ATF7IP2: variants seen among roughly 807,000 people sequenced by gnomAD.
ATF7IP2 encodes the protein activating transcription factor 7-interacting protein 2.
ATF7IP2 carries 42 observed loss-of-function variants against 64.2 expected under a neutral mutation model. The ratio of observed to expected loss-of-function variants is 0.65; its 90% CI spans 0.51 to 0.85. The LOEUF is 0.85. Among genes scored for constraint, ATF7IP2 ranks in the 40% least tolerant of loss-of-function variants. ATF7IP2 has a pLI of 0.00. For missense variants in ATF7IP2, 933 were observed against 784.2 expected (o/e 1.19, Z -2.27); for synonymous variants, 308 against 272.8 (o/e 1.13, Z -1.27).
intron 8 of ATF7IP2, among the ~76,000 whole-genome samples, chr16:10,453,603 G>A (rs1270711493): frequency 6.6e-6 from 1 of 152,124 alleles, no homozygotes; most frequent in Non-Finnish European, 1.5e-5. Context: ...TGAAAACTGA[G>A]CAAGGAGCTT....
At chr16:10,396,680 A>G (rs1596425844) in intron 1 of ATF7IP2, among the ~76,000 whole-genome samples, 1 of 151,766 alleles carries the variant, frequency 6.6e-6, no homozygotes, top group East Asian at 1.9e-4. Flanking sequence ...TAATTGAGAC[A>G]GTGTCTCACT....
intron 8 of ATF7IP2, among the ~76,000 whole-genome samples, chr16:10,451,003 A>G (rs2048966851): frequency 6.6e-6 from 1 of 152,194 alleles, no homozygotes; most frequent in Middle Eastern, 3.2e-3. Context: ...CTTGTAAGGC[A>G]GGCCTGGTGG....
chr16:10,476,501 T>TGA (rs921103266), intron 12 of ATF7IP2, among the ~76,000 whole-genome samples: 2 of 152,132 alleles, frequency 1.3e-5, no homozygotes, highest in African/African-American at 4.8e-5. Context: ...TGTGTGTGTT[T>TGA]TTTTTTAAAC....
Position 10,452,575 on chromosome 16 carries a change from C to T in ATF7IP2, c.1195-4797C>T, listed in dbSNP as rs185108731. ...GGAGGTGTCTCCCAGTCAGGATACACGGGGGTCAGGGACCCACTTGAGGAG... is the reference window on the plus strand; with the variant it reads ...GGAGGTGTCTCCCAGTCAGGATACATGGGGGTCAGGGACCCACTTGAGGAG... On this transcript the variant is annotated intron_variant, in intron 8 of 13. Coordinates refer to ENST00000562102, the MANE Select transcript of ATF7IP2 (RefSeq NM_001393719.1). Among the ~76,000 whole-genome samples, 577 of 152,296 alleles carry T rather than the reference C, an allele frequency of 3.8e-3. 3 individuals carry two copies. The highest frequency in any genetic ancestry group is 0.012 in the African/African-American group (500 of 41,544).
At chr16:10,467,800 G>T (rs111556411) in intron 9 of ATF7IP2, among the ~76,000 whole-genome samples, 2 of 149,642 alleles carry the variant, frequency 1.3e-5, no homozygotes, top group African/African-American at 4.9e-5. Context: ...TGATCCACCC[G>T]CCTCGGCCCC....
intron 1 of ATF7IP2, among the ~76,000 whole-genome samples, chr16:10,406,124 C>CA (rs1567430589): frequency 2.0e-5 from 3 of 151,528 alleles, no homozygotes; most frequent in Non-Finnish European, 4.4e-5. Flanking sequence ...TAATTTTTTT[C>CA]ATAGAATATT....
rs547571547 is a variant in ATF7IP2 at position 10,429,978 on chromosome 16, G to A, written c.-10-633G>A. ...AGTGATTCTTGTGCTTCAGCCTGCCGAGTAGCTTGGGATTACAGGTGCATG... is the reference window on the plus strand; with the variant it reads ...AGTGATTCTTGTGCTTCAGCCTGCCAAGTAGCTTGGGATTACAGGTGCATG... On this transcript the variant is annotated intron_variant, in intron 4 of 13. Coordinates refer to ENST00000562102, the MANE Select transcript of ATF7IP2 (RefSeq NM_001393719.1). 1.9e-3 allele frequency among the ~76,000 whole-genome samples: 290 copies of A among 151,548 alleles called. 1 individual carries two copies. Among genetic ancestry groups the A allele is most frequent in the African/African-American group, 6.7e-3 (277 of 41,314 alleles).
At position 10,482,783 on chromosome 16, in the gene ATF7IP2, A is replaced by G. The variant is rs2050283879; in HGVS notation, c.*534A>G. On this transcript the variant is annotated 3_prime_UTR_variant, in exon 14 of 14. Coordinates refer to ENST00000562102, the MANE Select transcript of ATF7IP2 (RefSeq NM_001393719.1). ...ATTGCTCTGTTGCCCAGGCTGGAGTACAGTGGTCACTGCAACCTCCATCTC... is the reference window on the plus strand; with the variant it reads ...ATTGCTCTGTTGCCCAGGCTGGAGTGCAGTGGTCACTGCAACCTCCATCTC... 6.6e-6 allele frequency: 1 copy of G among 152,270 alleles called. No homozygotes were observed. Among genetic ancestry groups the G allele is most frequent in the African/African-American group, 2.4e-5 (1 of 41,442 alleles). 9.4% of individuals were successfully genotyped at this position (152,270 alleles called of 1,614,324 possible). A position where few individuals can be genotyped will look rare whatever the true frequency, so the allele number is the denominator to read the frequency against.
In ATF7IP2 at chr16:10,414,627, T is replaced by TTGTGTGTGTGTGTG. The variant is rs140459444; in HGVS notation, c.-203+37_-203+50dup. 1.2e-4 allele frequency: 11 copies of TTGTGTGTGTGTGTG among 94,782 alleles called. No individual in the cohort carries two copies. The highest frequency in any genetic ancestry group is 5.2e-4 in the African/African-American group (10 of 19,226). 5.9% of individuals were successfully genotyped at this position (94,782 alleles called of 1,614,324 possible). The stretch of plus-strand genomic sequence containing the variant: ...ATCCACTGCTGGTGAGCTAGTGTGA[T>TTGTGTGTGTGTGTG]TGTGTGTGTGTGTGTGTGTGTGTGT... On this transcript the variant is annotated intron_variant, in intron 2 of 13. Transcript: ENST00000562102.
chr16:10,470,987 CAGT>C (rs1248397750), intron 9 of ATF7IP2, among the ~76,000 whole-genome samples: 2 of 151,968 alleles, frequency 1.3e-5, no homozygotes, highest in Non-Finnish European at 2.9e-5. Flanking sequence ...AGTATTAAGA[CAGT>C]GGTGTTGGCA....
Position 10,438,211 on chromosome 16 carries a change from T to C in ATF7IP2, c.1071T>C (p.His357=). The change falls in exon 7 of 14, where the codon CAT becomes CAC. Residue 357 remains histidine (H), a synonymous_variant. Transcript: ENST00000562102. ...GGAAGACAGAGTGCAGAAATAAGCA[T>C]GAAGGAATAGCTGATAAACTTTTGG... is the stretch of plus-strand genomic sequence containing the variant. The part of the protein sequence containing the change: ...RIGKTECRNK[H]EGIADKLLAK... 1.2e-6 allele frequency: 2 copies of C among 1,600,856 alleles called. No individual in the cohort carries two copies. Among genetic ancestry groups the C allele is most frequent in the Non-Finnish European group, 1.7e-6 (2 of 1,175,414 alleles).
chr16:10,461,409 T>G (rs1567166273), intron 9 of ATF7IP2, among the ~76,000 whole-genome samples: 2 of 152,100 alleles, frequency 1.3e-5, no homozygotes, highest in Non-Finnish European at 2.9e-5. Context: ...GGAATGTTTA[T>G]TAGCAGCATT....
At chr16:10,425,230 T>G (rs1015747723) in intron 3 of ATF7IP2, among the ~76,000 whole-genome samples, 2 of 151,106 alleles carry the variant, frequency 1.3e-5, no homozygotes, top group African/African-American at 2.4e-5. Flanking sequence ...GGCTAGTTTT[T>G]TTTTTTTTTT....
At chr16:10,443,615 C>T (rs1351677128) in intron 8 of ATF7IP2, among the ~76,000 whole-genome samples, 1 of 152,186 alleles carries the variant, frequency 6.6e-6, no homozygotes, top group Admixed American at 6.5e-5. Flanking sequence ...TTTACTTTTA[C>T]AATAGCTACT....
rs1596618190 is a variant in ATF7IP2 at position 10,472,197 on chromosome 16, G to A, written c.1426+14G>A. ...CAAATCCAACAGGTATCTTATAGCTGATTAGAATATGATCTATCAAGTTAG... is the reference window on the plus strand; with the variant it reads ...CAAATCCAACAGGTATCTTATAGCTAATTAGAATATGATCTATCAAGTTAG... On this transcript the variant is annotated intron_variant, in intron 10 of 13. Coordinates refer to ENST00000562102, the MANE Select transcript of ATF7IP2 (RefSeq NM_001393719.1). 1 of 1,425,088 alleles carries A rather than the reference G, an allele frequency of 7.0e-7. No homozygotes were observed. Among genetic ancestry groups the A allele is most frequent in the African/African-American group, 1.4e-5 (1 of 70,260 alleles). 88.3% of individuals were successfully genotyped at this position (1,425,088 alleles called of 1,614,324 possible). A position where few individuals can be genotyped will look rare whatever the true frequency, so the allele number is the denominator to read the frequency against.
chr16:10,477,697 G>C (rs2050063169), intron 12 of ATF7IP2, among the ~76,000 whole-genome samples: 1 of 151,534 alleles, frequency 6.6e-6, no homozygotes, highest in African/African-American at 2.4e-5. Flanking sequence ...TAGGAAAAGA[G>C]GAAGTCAAAT....
intron 6 of ATF7IP2, among the ~76,000 whole-genome samples, chr16:10,435,029 A>G (rs575026189): frequency 6.6e-6 from 1 of 152,180 alleles, no homozygotes; most frequent in African/African-American, 2.4e-5. Flanking sequence ...CGGCCTCCCA[A>G]AGTGCTGGGA....
chr16:10,463,066 G>A (rs1001704110), intron 9 of ATF7IP2, among the ~76,000 whole-genome samples: 1 of 152,086 alleles, frequency 6.6e-6, no homozygotes, highest in Non-Finnish European at 1.5e-5. Flanking sequence ...GTACATTTTA[G>A]TCACTAAGAT....
Position 10,481,707 on chromosome 16 carries a change from C to T in ATF7IP2, c.1636-129C>T. On this transcript the variant is annotated intron_variant, in intron 13 of 13. Coordinates refer to ENST00000562102, the MANE Select transcript of ATF7IP2 (RefSeq NM_001393719.1). The stretch of plus-strand genomic sequence containing the variant: ...GAGGATTCTGCTTAAAGGACTGGAT[C>T]CAGCCTCACATATTACTGAAATATC... 6.4e-6 allele frequency: 5 copies of T among 776,554 alleles called. No homozygotes were observed. The South Asian group carries it at 8.6e-5, about 13-fold the overall frequency. 48.1% of individuals were successfully genotyped at this position (776,554 alleles called of 1,614,324 possible).
Sources: gnomAD v4.1 joint callset for allele counts (sites outside exome capture counted in the v4.1 genomes callset) on GRCh38, gnomAD v4.1.1 for gene constraint, MANE v1.5 for transcripts, NCBI Gene and HGNC (gene_info 2026-07-23, HGNC 2026-07-21) for gene names.